The following ACOXL variants were observed in gnomAD, a reference collection of about 807,000 sequenced individuals.
ACOXL encodes the protein acyl-coenzyme A oxidase-like protein.
Under a neutral mutation model 71.9 loss-of-function variants are expected in ACOXL, and 70 were observed. That is an observed-to-expected ratio of 0.97 (90% CI 0.80 to 1.19). ACOXL has a LOEUF of 1.19. ACOXL is among the 50% of genes most tolerant of loss of function. The probability of loss-of-function intolerance (pLI) is 0.00; values close to 1 mark genes in which losing one functional copy is unlikely to be tolerated. For missense variants in ACOXL, 703 were observed against 736.3 expected (o/e 0.95, Z 0.52); for synonymous variants, 253 against 281.6 (o/e 0.90, Z 1.02).
Position 111,117,643 on chromosome 2 carries a change from G to T in ACOXL, c.1570G>T (p.Asp524Tyr), listed in dbSNP as rs1201740673. 2 of 1,551,650 alleles carry T rather than the reference G, an allele frequency of 1.3e-6. No homozygotes were observed. Among genetic ancestry groups the T allele is most frequent in the Non-Finnish European group, 1.7e-6 (2 of 1,147,018 alleles). ...QLLDLCDSVK[D>Y]DARRVISTFN... ...GCTGGATTTGTGCGACTCGGTGAAG[G>T]ATGATGCCCGGAGGGTGATCTCGAC... The change falls in exon 18 of 18, where the codon GAT (aspartate) becomes TAT (tyrosine). Residue 524 changes from aspartate to tyrosine, a missense_variant. Physicochemically the swap from Asp to Tyr is radical, Grantham distance 160. Coordinates refer to ENST00000439055, the MANE Select transcript of ACOXL (RefSeq NM_001142807.4).
At chr2:110,968,146 C>G (rs1331964835) in intron 12 of ACOXL, 2 of 1,325,868 alleles carry the variant, frequency 1.5e-6, no homozygotes, top group Non-Finnish European at 2.1e-6. Flanking sequence ...TGGCCTGCTG[C>G]TGGCCCGCAG....
intron 11 of ACOXL, among the ~76,000 whole-genome samples, chr2:110,916,179 GT>G (rs2059853138): frequency 1.3e-5 from 2 of 151,384 alleles, no homozygotes; most frequent in Admixed American, 6.6e-5. Flanking sequence ...ATTAATGACT[GT>G]AAGATCTGTG....
chr2:111,034,948 C>T (rs528413418), intron 15 of ACOXL, among the ~76,000 whole-genome samples: 99 of 149,752 alleles, frequency 6.6e-4, no homozygotes, highest in African/African-American at 2.1e-3. Context: ...GACGGAGTCT[C>T]GCTCTGTCGC....
At chr2:110,751,016 C>T (rs973548152) in intron 1 of ACOXL, among the ~76,000 whole-genome samples, 5 of 150,938 alleles carry the variant, frequency 3.3e-5, no homozygotes, top group African/African-American at 1.2e-4. Context: ...TTTAGACATG[C>T]GGCTGGGCGC....
intron 1 of ACOXL, among the ~76,000 whole-genome samples, chr2:110,753,047 A>G (rs1386752350): frequency 1.3e-5 from 2 of 152,112 alleles, no homozygotes; most frequent in Non-Finnish European, 2.9e-5. Context: ...TCATGGGGGC[A>G]AATTCTTCAT....
Position 111,014,964 on chromosome 2 carries a change from A to T in ACOXL, c.1282-16663A>T, listed in dbSNP as rs114646317. Among the ~76,000 whole-genome samples, 634 of 152,352 alleles carry T rather than the reference A, an allele frequency of 4.2e-3. 8 individuals are homozygous for T. Among genetic ancestry groups the T allele is most frequent in the African/African-American group, 0.015 (611 of 41,596 alleles). On this transcript the variant is annotated intron_variant, in intron 14 of 17. Transcript: ENST00000439055. ...TTTTCTGCATAATACACAAAGGTTA[A>T]TTTGAGATTGATCATAGACTTCAAT...
At chr2:111,060,603 A>G (rs567108330) in intron 16 of ACOXL, among the ~76,000 whole-genome samples, 211 of 152,354 alleles carry the variant, frequency 1.4e-3, no homozygotes, top group Non-Finnish European at 2.5e-3. Context: ...ATAGTTTTCA[A>G]TCAAAAAATC....
rs74742457 is a variant in ACOXL, at chr2:110,753,839, G to T, written c.-22-14529G>T. ...TACCATTTTACATTTTTATGACAAA[G>T]TATGACAGTTATAATTGCTCCACGT... On this transcript the variant is annotated intron_variant, in intron 1 of 17. Transcript: ENST00000439055. Among the ~76,000 whole-genome samples, 1,262 of 152,244 alleles carry T rather than the reference G, an allele frequency of 8.3e-3. 27 individuals are homozygous for T. Among genetic ancestry groups the T allele is most frequent in the African/African-American group, 0.028 (1,169 of 41,530 alleles).
At chr2:110,968,187 C>A in intron 12 of ACOXL, 2 of 1,126,446 alleles carry the variant, frequency 1.8e-6, no homozygotes, top group Non-Finnish European at 2.7e-6. Context: ...CAGACAACAT[C>A]TATGAAGGCC....
chr2:110,989,769 C>T (rs990288480), intron 13 of ACOXL, among the ~76,000 whole-genome samples: 5 of 152,122 alleles, frequency 3.3e-5, no homozygotes, highest in African/African-American at 1.2e-4. Context: ...ATGGGCTGGG[C>T]ACAGTGGCTT....
chr2:110,975,618 G>A (rs1382657394), intron 12 of ACOXL, among the ~76,000 whole-genome samples: 6 of 151,916 alleles, frequency 3.9e-5, no homozygotes, highest in African/African-American at 9.7e-5. Context: ...AATCAACAGC[G>A]TGAAAAAGAA....
chr2:110,986,637 A>T (rs1181278964), intron 12 of ACOXL, among the ~76,000 whole-genome samples: 1 of 152,222 alleles, frequency 6.6e-6, no homozygotes, highest in Non-Finnish European at 1.5e-5. Context: ...TTAGGCCCAA[A>T]TTATAACTTT....
intron 3 of ACOXL, among the ~76,000 whole-genome samples, chr2:110,785,443 C>T (rs1446324043): frequency 6.6e-6 from 1 of 151,170 alleles, no homozygotes; most frequent in Non-Finnish European, 1.5e-5. Context: ...ATGTAACCAC[C>T]ACCACAATCA....
chr2:110,940,575 G>A (rs923140821), intron 12 of ACOXL, among the ~76,000 whole-genome samples: 9 of 152,128 alleles, frequency 5.9e-5, no homozygotes, highest in African/African-American at 1.9e-4. Flanking sequence ...GGATCTGGGC[G>A]GAATGAGTGC....
intron 9 of ACOXL, among the ~76,000 whole-genome samples, chr2:110,810,450 C>T (rs918585802): frequency 6.6e-6 from 1 of 152,138 alleles, no homozygotes; most frequent in East Asian, 1.9e-4. Flanking sequence ...TATTCATCCA[C>T]CCACCTGTTC....
chr2:111,047,199 T>C (rs1386993384), intron 15 of ACOXL, among the ~76,000 whole-genome samples: 1 of 152,160 alleles, frequency 6.6e-6, no homozygotes, highest in Non-Finnish European at 1.5e-5. Flanking sequence ...GGATTGGATG[T>C]ACAGAGTTCA....
intron 12 of ACOXL, among the ~76,000 whole-genome samples, chr2:110,944,515 T>C (rs1414310981): frequency 6.6e-6 from 1 of 152,270 alleles, no homozygotes; most frequent in African/African-American, 2.4e-5. Flanking sequence ...CATCCTCAAG[T>C]AGGCCCCAGT....
At chr2:111,011,640 T>G (rs573415180) in intron 14 of ACOXL, among the ~76,000 whole-genome samples, 1 of 152,226 alleles carries the variant, frequency 6.6e-6, no homozygotes, top group African/African-American at 2.4e-5. Context: ...TTCAGCACTT[T>G]GGGAGGCTAA....
intron 17 of ACOXL, among the ~76,000 whole-genome samples, chr2:111,095,048 G>A (rs905139719): frequency 1.4e-4 from 22 of 152,150 alleles, no homozygotes; most frequent in African/African-American, 5.3e-4. Flanking sequence ...CTATCAGTCA[G>A]AGGAAGTCAC....
Sources: gnomAD v4.1 joint callset for allele counts (sites outside exome capture counted in the v4.1 genomes callset) on GRCh38, gnomAD v4.1.1 for gene constraint, MANE v1.5 for transcripts, NCBI Gene and HGNC (gene_info 2026-07-23, HGNC 2026-07-21) for gene names.